The following MCCC1 variants were observed in gnomAD, a reference collection of about 807,000 sequenced individuals.
MCCC1 encodes methylcrotonyl-CoA carboxylase subunit 1.
Under a neutral mutation model 83.8 loss-of-function variants are expected in MCCC1, and 64 were observed. That is an observed-to-expected ratio of 0.76 (90% CI 0.62 to 0.94). The LOEUF (loss-of-function observed/expected upper bound fraction) is 0.94. MCCC1 is among the 40% of genes least tolerant of loss of function. The probability of loss-of-function intolerance (pLI) is 0.00; values close to 1 mark genes in which losing one functional copy is unlikely to be tolerated. For synonymous variants in MCCC1, 322 were observed against 315.4 expected (o/e 1.02, Z -0.22); for missense variants, 807 against 904.7 (o/e 0.89, Z 1.39).
intron 7 of MCCC1, among the ~76,000 whole-genome samples, chr3:183,058,099 C>T (rs1355204484): frequency 1.3e-5 from 2 of 152,100 alleles, no homozygotes; most frequent in Non-Finnish European, 2.9e-5. Context: ...AAAAGACTGA[C>T]AAATTTGACT....
chr3:183,020,770 A>G (rs996551205), intron 16 of MCCC1, among the ~76,000 whole-genome samples: 5 of 151,920 alleles, frequency 3.3e-5, no homozygotes, highest in Non-Finnish European at 7.4e-5. Flanking sequence ...AGTATATTAA[A>G]AGATTTAGGC....
intron 4 of MCCC1, among the ~76,000 whole-genome samples, chr3:183,084,375 T>C (rs1374007266): frequency 6.6e-6 from 1 of 152,062 alleles, no homozygotes; most frequent in Non-Finnish European, 1.5e-5. Flanking sequence ...ACATGATAAA[T>C]GCACAAACTG....
intron 7 of MCCC1, among the ~76,000 whole-genome samples, 182 bp downstream of exon 7, chr3:183,070,817 T>C (rs545590706): frequency 1.3e-5 from 2 of 152,272 alleles, no homozygotes; most frequent in South Asian, 4.1e-4. Flanking sequence ...TCTATTCACA[T>C]AGAAAATGGC....
In MCCC1 at chr3:183,109,918, T is replaced by C. The variant is rs546465195; in HGVS notation, c.-102+5556A>G. 2.0e-4 allele frequency among the ~76,000 whole-genome samples: 30 copies of C among 152,312 alleles called. No individual in the cohort carries two copies. In the East Asian group the frequency reaches 5.8e-3, roughly 29 times the overall value. The stretch of plus-strand genomic sequence containing the variant: ...TTCTCTACAGCCTCACTGTCTGTTA[T>C]GTTTTTGACTTTTTAATAATGGCCA... On this transcript the variant is annotated intron_variant, in intron 1 of 17. Transcript: ENST00000492597.
Position 183,057,333 on chromosome 3 carries a change from T to C in MCCC1, c.851A>G (p.Lys284Arg). ...RDCSVQRRHQ[K>R]IIEEAPAPGI... is the part of the protein sequence containing the mutation. ...TACCGCTGGGGCCTCCTCAATGATC[T>C]TCTGATGTCGCCTCTGCACACTACA... The change falls in exon 8 of 19, where the codon AAG (lysine) becomes AGG (arginine). Residue 284 changes from lysine to arginine, a missense_variant. Physicochemically the swap from Lys to Arg is conservative, Grantham distance 26. Transcript: ENST00000265594. The C allele has an allele frequency of 6.2e-7, 1 of 1,608,322 alleles. No homozygotes were observed. The highest frequency in any genetic ancestry group is 8.5e-7 in the Non-Finnish European group (1 of 1,176,650).
At position 183,020,218 on chromosome 3, in the gene MCCC1, T is replaced by C. The variant is rs746308720; in HGVS notation, c.1889A>G (p.Asp630Gly). The C allele has an allele frequency of 1.9e-6, 3 of 1,613,856 alleles. No homozygotes were observed. Among genetic ancestry groups the C allele is most frequent in the Non-Finnish European group, 2.5e-6 (3 of 1,179,756 alleles). Residue 630 changes from aspartate (D) to glycine (G), a missense_variant, in exon 17 of 19, where the codon GAC becomes GGC. Transcript: ENST00000265594. ...AGATAAGTATTTGGGGACTGGAATG[T>C]CAATCTCAATACTTCCTTCCTAGAA... is the stretch of plus-strand genomic sequence containing the variant. ...LFSKEGSIEIDIPVPKYLSSV... is the reference protein window; with the variant it reads ...LFSKEGSIEIGIPVPKYLSSV...
chr3:183,057,462 G>A (rs908327990), intron 7 of MCCC1, 40 bp from the exon 8 acceptor site: 4 of 1,451,154 alleles, frequency 2.8e-6, no homozygotes, highest in Non-Finnish European at 3.8e-6. Flanking sequence ...TATTTGTTAG[G>A]GGTGATAAAT....
chr3:183,091,007 T>G (rs1205273570), intron 3 of MCCC1: 1 of 456,552 alleles, frequency 2.2e-6, no homozygotes, highest in Non-Finnish European at 4.4e-6. Flanking sequence ...AATTTTATTT[T>G]CTCTGTGAAA....
At chr3:183,045,676 T>A (rs1714501167) in intron 9 of MCCC1, 136 bp from the exon 10 acceptor site, 2 of 924,646 alleles carry the variant, frequency 2.2e-6, no homozygotes, top group African/African-American at 1.7e-5. Context: ...GAAGAAAACA[T>A]CTCGCATTTG....
chr3:183,090,386 T>C (rs2108561056), intron 3 of MCCC1, among the ~76,000 whole-genome samples: 1 of 152,204 alleles, frequency 6.6e-6, no homozygotes, highest in East Asian at 1.9e-4. Flanking sequence ...CACAGGAATG[T>C]CTCATTTTGC....
At chr3:183,103,240 T>C (rs113559570), upstream of MCCC1, among the ~76,000 whole-genome samples, 12 of 152,204 alleles carry the variant, frequency 7.9e-5, no homozygotes, top group Admixed American at 2.6e-4. Flanking sequence ...CAGGATTTAT[T>C]GCAAAGAGCG....
intron 4 of MCCC1, among the ~76,000 whole-genome samples, chr3:183,081,614 T>C (rs1380440539): frequency 6.6e-6 from 1 of 152,182 alleles, no homozygotes; most frequent in Non-Finnish European, 1.5e-5. Context: ...TGTGCTTTGG[T>C]CAAGGAATAG....
chr3:183,092,125 T>A (rs1718402406), intron 3 of MCCC1, among the ~76,000 whole-genome samples: 2 of 152,120 alleles, frequency 1.3e-5, no homozygotes, highest in South Asian at 4.1e-4. Context: ...CATGAGCTAC[T>A]CAAAGTGTAG....
At chr3:183,043,512 A>T (rs1714288449) in intron 10 of MCCC1, among the ~76,000 whole-genome samples, 1 of 152,234 alleles carries the variant, frequency 6.6e-6, no homozygotes, top group Non-Finnish European at 1.5e-5. Context: ...TGAACCCAGG[A>T]CACTTACATC....
intron 4 of MCCC1, among the ~76,000 whole-genome samples, chr3:183,085,630 TAAAAAAAAAAAAAAA>T (rs57408690): frequency 2.9e-5 from 3 of 103,268 alleles, no homozygotes; most frequent in South Asian, 3.4e-4. Flanking sequence ...ACCCTGTCTT[TAAAAAAAAAAAAAAA>T]AAAAAAAAAG....
chr3:183,107,627 C>G (rs999049597), intron 1 of MCCC1, among the ~76,000 whole-genome samples: 1 of 151,934 alleles, frequency 6.6e-6, no homozygotes, highest in African/African-American at 2.4e-5. Context: ...ACTGCAACCT[C>G]TGCCTCCTGT....
intron 10 of MCCC1, among the ~76,000 whole-genome samples, chr3:183,042,298 A>T (rs188515955): frequency 6.6e-6 from 1 of 152,354 alleles, no homozygotes. Context: ...ACTGCATGAT[A>T]CCAGATTACA....
At chr3:183,105,634 T>C (rs1719390346) in intron 1 of MCCC1, among the ~76,000 whole-genome samples, 1 of 152,114 alleles carries the variant, frequency 6.6e-6, no homozygotes, top group Admixed American at 6.5e-5. Context: ...TTTCGTACCT[T>C]AGGCCTGTAT....
At chr3:183,023,095 A>G (rs1442811729) in intron 15 of MCCC1, among the ~76,000 whole-genome samples, 1 of 152,208 alleles carries the variant, frequency 6.6e-6, no homozygotes, top group Non-Finnish European at 1.5e-5. Context: ...GAGATTGGCC[A>G]TAATTTTCTC....
Sources: allele counts gnomAD v4.1 joint callset (sites outside exome capture counted in the v4.1 genomes callset), GRCh38; gene constraint gnomAD v4.1.1; transcripts MANE v1.5; gene names NCBI Gene and HGNC (gene_info 2026-07-23, HGNC 2026-07-21).